ENTREP2: variants seen among roughly 807,000 people sequenced by gnomAD.
The protein encoded by ENTREP2 is endosomal transmembrane epsin interactor 2, also known as protein ENTREP2.
the ENTREP2 span, among the ~76,000 whole-genome samples, chr15:29,491,709 G>GA: frequency 1.3e-5 from 2 of 152,088 alleles, no homozygotes; most frequent in African/African-American, 4.8e-5. Flanking sequence ...GAAGGTAAAG[G>GA]AAAAAACATG....
chr15:29,458,510 C>T, the ENTREP2 span, among the ~76,000 whole-genome samples: 2 of 152,212 alleles, frequency 1.3e-5, no homozygotes, highest in South Asian at 4.2e-4. Context: ...CTACCCAATC[C>T]CTCCAGCTCT....
At chr15:29,258,212 CAAA>C in the ENTREP2 span, among the ~76,000 whole-genome samples, 34 of 118,328 alleles carry the variant, frequency 2.9e-4, no homozygotes, top group African/African-American at 4.2e-4. Context: ...GGCTCAGTCT[CAAA>C]AAAAAAAAAA....
chr15:29,171,372 A>C, the ENTREP2 span, among the ~76,000 whole-genome samples: 2 of 152,114 alleles, frequency 1.3e-5, no homozygotes, highest in African/African-American at 4.8e-5. Context: ...GTTCACTCAT[A>C]AACAACACCT....
chr15:29,525,977 C>T, the ENTREP2 span, among the ~76,000 whole-genome samples: 8 of 152,280 alleles, frequency 5.3e-5, no homozygotes, highest in Non-Finnish European at 1.2e-4. Context: ...TCAAAAAGCA[C>T]AAGTTTAACT....
chr15:29,625,823 T>C, the ENTREP2 span, among the ~76,000 whole-genome samples: 1 of 152,196 alleles, frequency 6.6e-6, no homozygotes, highest in Non-Finnish European at 1.5e-5. Flanking sequence ...TGCCTATTTT[T>C]ATATTTTAGC....
chr15:29,649,261 A>G, the ENTREP2 span, among the ~76,000 whole-genome samples: 3 of 152,254 alleles, frequency 2.0e-5, no homozygotes, highest in Admixed American at 1.3e-4. Flanking sequence ...AGTACAAGCC[A>G]TAATAAAGAA....
chr15:29,268,743 C>A, the ENTREP2 span: 9 of 1,543,570 alleles, frequency 5.8e-6, no homozygotes, highest in Non-Finnish European at 7.0e-6. Flanking sequence ...CTAAACTGTG[C>A]CTTTGGGTCT....
the ENTREP2 span, among the ~76,000 whole-genome samples, chr15:29,178,127 A>G: frequency 2.0e-4 from 31 of 151,972 alleles, no homozygotes; most frequent in Non-Finnish European, 4.1e-4. Context: ...GCCTGTTTCT[A>G]CAAATATAAA....
chr15:29,342,822 C>G, the ENTREP2 span, among the ~76,000 whole-genome samples: 1 of 152,100 alleles, frequency 6.6e-6, no homozygotes, highest in Admixed American at 6.5e-5. Context: ...TGGTCTTTTT[C>G]TTATAAACTT....
the ENTREP2 span, among the ~76,000 whole-genome samples, chr15:29,551,528 C>G: frequency 1.3e-5 from 2 of 152,118 alleles, no homozygotes; most frequent in Admixed American, 6.5e-5. Context: ...ATAAAGGGAG[C>G]CTCTGCTCAA....
chr15:29,187,057 C>T, the ENTREP2 span, among the ~76,000 whole-genome samples: 1 of 152,122 alleles, frequency 6.6e-6, no homozygotes, highest in South Asian at 2.1e-4. Context: ...ACTTCCTCAG[C>T]TTCTTAGATG....
the ENTREP2 span, among the ~76,000 whole-genome samples, chr15:29,604,462 A>G: frequency 6.6e-6 from 1 of 152,246 alleles, no homozygotes; most frequent in Non-Finnish European, 1.5e-5. Context: ...CTGTTAAGAC[A>G]GTTTAATTTC....
the ENTREP2 span, among the ~76,000 whole-genome samples, chr15:29,478,019 A>ATATATTTTTTTT: frequency 3.7e-5 from 2 of 54,286 alleles, no homozygotes; most frequent in African/African-American, 9.0e-5. Flanking sequence ...ATATATATAT[A>ATATATTTTTTTT]TTTTTTTTTT....
At chr15:29,393,863 C>T in the ENTREP2 span, among the ~76,000 whole-genome samples, 4 of 152,042 alleles carry the variant, frequency 2.6e-5, no homozygotes, top group Non-Finnish European at 4.4e-5. Context: ...CTTTTAGCCC[C>T]AGCAACTATA....
the ENTREP2 span, among the ~76,000 whole-genome samples, chr15:29,608,969 T>C: frequency 4.2e-4 from 64 of 152,238 alleles, no homozygotes; most frequent in South Asian, 8.3e-4. Context: ...TACTTTCTAG[T>C]GAATACTGGT....
the ENTREP2 span, among the ~76,000 whole-genome samples, chr15:29,645,642 C>T: frequency 6.6e-6 from 1 of 152,000 alleles, no homozygotes; most frequent in Non-Finnish European, 1.5e-5. Context: ...ACTACAAGCT[C>T]TGCCTCCCAG....
chr15:29,125,073 G>A, the ENTREP2 span, among the ~76,000 whole-genome samples: 1 of 152,208 alleles, frequency 6.6e-6, no homozygotes. Flanking sequence ...GAAGGCATGT[G>A]CCTGCGGCGT....
the ENTREP2 span, among the ~76,000 whole-genome samples, chr15:29,149,839 G>A: frequency 6.6e-6 from 1 of 152,178 alleles, no homozygotes; most frequent in African/African-American, 2.4e-5. Context: ...GGCTCCCGCG[G>A]TACCCGTCAC....
the ENTREP2 span, among the ~76,000 whole-genome samples, chr15:29,377,857 AATAAT>A: frequency 7.1e-6 from 1 of 140,062 alleles, no homozygotes; most frequent in Non-Finnish European, 1.6e-5. Context: ...TAATAATAAT[AATAAT>A]AAAAAAATGA....
Sources: allele counts gnomAD v4.1 joint callset (sites outside exome capture counted in the v4.1 genomes callset), GRCh38; gene constraint gnomAD v4.1.1; transcripts MANE v1.5; gene names NCBI Gene and HGNC (gene_info 2026-07-23, HGNC 2026-07-21).